Variants in CEP85L observed in about 807,000 individuals in gnomAD.
CEP85L encodes the protein centrosomal protein 85L.
In CEP85L, 60 loss-of-function variants were observed where a neutral mutation model predicts 100.3. The ratio of observed to expected loss-of-function variants is 0.60; its 90% confidence interval spans 0.49 to 0.74. The LOEUF (loss-of-function observed/expected upper bound fraction) is 0.74, where lower values mean the gene tolerates loss of function less well. Among genes scored for constraint, CEP85L ranks in the 30% least tolerant of loss-of-function variants. The pLI is 0.00. For missense variants in CEP85L, 973 were observed against 936.2 expected (o/e 1.04, Z -0.51); for synonymous variants, 319 against 322.7 (o/e 0.99, Z 0.12).
At chr6:118,671,126 G>T (rs994625925) in intron 1 of CEP85L, among the ~76,000 whole-genome samples, 1 of 152,058 alleles carries the variant, frequency 6.6e-6, no homozygotes. Context: ...CTATGTTATC[G>T]TAAGCAATTG....
At chr6:118,500,633 A>T (rs1273675931) in intron 5 of CEP85L, among the ~76,000 whole-genome samples, 1 of 152,088 alleles carries the variant, frequency 6.6e-6, no homozygotes, top group East Asian at 1.9e-4. Flanking sequence ...CCTTCTTCCA[A>T]TTATACTCTT....
At chr6:118,528,727 C>T (rs773251148) in intron 3 of CEP85L, among the ~76,000 whole-genome samples, 16 of 152,142 alleles carry the variant, frequency 1.1e-4, no homozygotes, top group Non-Finnish European at 2.2e-4. Context: ...AGACATTTTA[C>T]CTTCTAAGGA....
intron 3 of CEP85L, among the ~76,000 whole-genome samples, chr6:118,555,803 T>A (rs1038213162): frequency 1.8e-4 from 28 of 151,694 alleles, no homozygotes; most frequent in African/African-American, 6.8e-4. Context: ...CCTCCTCCCA[T>A]CCTCCCCGCT....
chr6:118,502,363 CAT>C (rs1775360587), intron 5 of CEP85L: 1 of 538,666 alleles, frequency 1.9e-6, no homozygotes, highest in Non-Finnish European at 3.5e-6. Flanking sequence ...CAAGATTACC[CAT>C]ATGTTAAGAC....
intron 1 of CEP85L, among the ~76,000 whole-genome samples, chr6:118,642,713 A>C (rs1411436844): frequency 1.3e-5 from 2 of 152,156 alleles, no homozygotes; most frequent in Non-Finnish European, 2.9e-5. Context: ...CAGGAGTTCG[A>C]GACCAGCCTG....
At chr6:118,670,138 G>A (rs536761836) in intron 1 of CEP85L, among the ~76,000 whole-genome samples, 1 of 151,874 alleles carries the variant, frequency 6.6e-6, no homozygotes, top group South Asian at 2.1e-4. Context: ...AATATATGTA[G>A]CATTTCCCCA....
intron 1 of CEP85L, among the ~76,000 whole-genome samples, chr6:118,683,481 C>A (rs1583256601): frequency 6.6e-6 from 1 of 152,070 alleles, no homozygotes; most frequent in East Asian, 1.9e-4. Flanking sequence ...GGTAACATTC[C>A]CTATGGCAAA....
At chr6:118,523,742 T>C (rs1032841177) in intron 4 of CEP85L, 60 bp downstream of exon 4, 4 of 770,122 alleles carry the variant, frequency 5.2e-6, no homozygotes, top group Admixed American at 2.4e-5. Context: ...TAAAGTTAAT[T>C]GTTTCATTAA....
intron 3 of CEP85L, among the ~76,000 whole-genome samples, chr6:118,531,772 T>C (rs9489428): frequency 0.16 from 24,853 of 151,992 alleles, 2,184 homozygotes; most frequent in Non-Finnish European, 0.19. Context: ...TCAATATCAC[T>C]AATCATTAGA....
At chr6:118,536,388 G>A (rs1423169430) in intron 3 of CEP85L, among the ~76,000 whole-genome samples, 1 of 152,058 alleles carries the variant, frequency 6.6e-6, no homozygotes, top group Non-Finnish European at 1.5e-5. Context: ...GATTATAAGG[G>A]GAGATGTATG....
At position 118,552,594 on chromosome 6, in the gene CEP85L, GC is replaced by G. The variant is rs550908254; in HGVS notation, c.1020+12934del. On this transcript the variant is annotated intron_variant, in intron 3 of 12. Transcript: ENST00000368491. ...TGACATTAGTCAAAAGATTAGAGTTGCCTAATGGCTTTTCTATTTCCTTCTT... is the reference window on the plus strand; with the variant it reads ...TGACATTAGTCAAAAGATTAGAGTTGCTAATGGCTTTTCTATTTCCTTCTT... Among the ~76,000 whole-genome samples the G allele has an allele frequency of 1.3e-3, 197 of 151,556 alleles. 1 individual carries two copies. Among genetic ancestry groups the G allele is most frequent in the African/African-American group, 4.6e-3 (192 of 41,320 alleles).
intron 2 of CEP85L, among the ~76,000 whole-genome samples, chr6:118,600,302 TG>T (rs1781691350): frequency 3.5e-4 from 6 of 16,966 alleles, no homozygotes; most frequent in African/African-American, 1.1e-3. Context: ...TTCCTGGGGG[TG>T]TGTGTGTGTG....
chr6:118,546,382 C>T (rs1778204006), intron 3 of CEP85L, among the ~76,000 whole-genome samples: 1 of 152,114 alleles, frequency 6.6e-6, no homozygotes, highest in African/African-American at 2.4e-5. Context: ...CTGTCTACGG[C>T]AGCTTCTTGG....
At chr6:118,549,959 T>G (rs1260278407) in intron 3 of CEP85L, among the ~76,000 whole-genome samples, 1 of 151,920 alleles carries the variant, frequency 6.6e-6, no homozygotes, top group Non-Finnish European at 1.5e-5. Context: ...CCATACATTG[T>G]GTCCCAACTA....
At chr6:118,480,289 A>C (rs943058387) in intron 9 of CEP85L, 107 bp downstream of exon 9, 1 of 589,180 alleles carries the variant, frequency 1.7e-6, no homozygotes, top group African/African-American at 2.0e-5. Context: ...TAAGTGATTA[A>C]ATATTAACAA....
At chr6:118,495,355 T>C (rs892268124) in intron 5 of CEP85L, among the ~76,000 whole-genome samples, 3 of 152,030 alleles carry the variant, frequency 2.0e-5, no homozygotes, top group Admixed American at 6.5e-5. Flanking sequence ...ATAATCCCTA[T>C]ATGTTGAGGG....
intron 2 of CEP85L, among the ~76,000 whole-genome samples, chr6:118,606,158 C>T (rs888871914): frequency 5.3e-5 from 8 of 152,106 alleles, no homozygotes; most frequent in Admixed American, 5.2e-4. Flanking sequence ...TATAGCTTGT[C>T]TATCCATTTT....
chr6:118,682,580 A>T (rs2638541), intron 1 of CEP85L, among the ~76,000 whole-genome samples: 68,885 of 151,820 alleles, frequency 0.45, 16,260 homozygotes, highest in African/African-American at 0.57. Flanking sequence ...CACTGTGGAA[A>T]AAGGAAACAA....
chr6:118,637,109 T>C (rs1774537606), intron 1 of CEP85L, among the ~76,000 whole-genome samples: 1 of 152,148 alleles, frequency 6.6e-6, no homozygotes, highest in African/African-American at 2.4e-5. Flanking sequence ...ATTCCACAGA[T>C]TTCCAAAGCA....
Sources: gnomAD v4.1 joint callset for allele counts (sites outside exome capture counted in the v4.1 genomes callset) on GRCh38, gnomAD v4.1.1 for gene constraint, MANE v1.5 for transcripts, NCBI Gene and HGNC (gene_info 2026-07-23, HGNC 2026-07-21) for gene names.